The following GAS2 variants were observed in gnomAD, a reference collection of about 807,000 sequenced individuals.
GAS2 encodes growth arrest specific 2.
A neutral mutation model predicts 37.5 loss-of-function variants in GAS2; 20 were observed. That is an observed-to-expected ratio of 0.53 (90% CI 0.37 to 0.77). The LOEUF (loss-of-function observed/expected upper bound fraction) is 0.77. Among genes scored for constraint, GAS2 ranks in the 30% least tolerant of loss-of-function variants. The pLI, the probability that GAS2 is intolerant of heterozygous loss-of-function variation, is 0.00. For missense variants in GAS2, 336 were observed against 373.4 expected (o/e 0.90, Z 0.82); for synonymous variants, 144 against 132.2 (o/e 1.09, Z -0.61).
At chr11:22,798,750 T>G (rs1856537864) in intron 7 of GAS2, among the ~76,000 whole-genome samples, 1 of 152,038 alleles carries the variant, frequency 6.6e-6, no homozygotes, top group Non-Finnish European at 1.5e-5. Context: ...TGCCTCAGTT[T>G]GCCCTGCTAA....
intron 3 of GAS2, among the ~76,000 whole-genome samples, chr11:22,699,096 A>T (rs961631952): frequency 6.6e-6 from 1 of 152,148 alleles, no homozygotes; most frequent in Non-Finnish European, 1.5e-5. Flanking sequence ...CTAGTTTTCT[A>T]TTCCACAGTT....
At chr11:22,631,233 A>C (rs2133805103) in intron 1 of GAS2, among the ~76,000 whole-genome samples, 1 of 152,290 alleles carries the variant, frequency 6.6e-6, no homozygotes, top group South Asian at 2.1e-4. Context: ...CTTTTGGAGA[A>C]GTCTTTGGGG....
upstream of GAS2, among the ~76,000 whole-genome samples, chr11:22,663,222 T>C (rs147081197): frequency 3.4e-4 from 52 of 152,020 alleles, no homozygotes; most frequent in African/African-American, 1.2e-3. Context: ...TCCCACCAGG[T>C]CCCTCTCTCA....
intron 2 of GAS2, among the ~76,000 whole-genome samples, chr11:22,683,275 T>C (rs563417876): frequency 1.3e-4 from 20 of 152,290 alleles, no homozygotes; most frequent in African/African-American, 4.8e-4. Flanking sequence ...TATTTATTTA[T>C]TTATTTATGA....
chr11:22,772,633 T>G (rs1033457190), intron 7 of GAS2, among the ~76,000 whole-genome samples: 15 of 152,114 alleles, frequency 9.9e-5, no homozygotes, highest in Non-Finnish European at 2.1e-4. Context: ...TGTGTGATAG[T>G]TTTTTGAAGG....
chr11:22,658,248 C>T (rs772222670), intron 1 of GAS2, among the ~76,000 whole-genome samples: 3 of 151,950 alleles, frequency 2.0e-5, no homozygotes, highest in Non-Finnish European at 4.4e-5. Flanking sequence ...AGGCTGGTCT[C>T]GAATTCCTGA....
intron 7 of GAS2, among the ~76,000 whole-genome samples, chr11:22,787,846 G>T (rs951230523): frequency 2.6e-5 from 4 of 152,154 alleles, no homozygotes; most frequent in Non-Finnish European, 5.9e-5. Context: ...AAACAGCTTG[G>T]TATCTTGTTA....
intron 1 of GAS2, among the ~76,000 whole-genome samples, chr11:22,651,709 A>G (rs907308188): frequency 1.2e-4 from 19 of 152,196 alleles, no homozygotes; most frequent in Admixed American, 1.2e-3. Flanking sequence ...AGTTGATGGC[A>G]TCAGCTCCTG....
intron 1 of GAS2, among the ~76,000 whole-genome samples, chr11:22,652,084 C>T (rs529873684): frequency 6.6e-6 from 1 of 152,292 alleles, no homozygotes; most frequent in African/African-American, 2.4e-5. Context: ...TGGTGATGTA[C>T]AGATGGGTTT....
chr11:22,794,505 C>G (rs182907203), intron 7 of GAS2, among the ~76,000 whole-genome samples: 137 of 152,236 alleles, frequency 9.0e-4, no homozygotes, highest in Non-Finnish European at 6.8e-4. Flanking sequence ...ATCTAGCCAT[C>G]TTTTCTCTCC....
upstream of GAS2, among the ~76,000 whole-genome samples, chr11:22,663,532 C>A (rs1433383857): frequency 6.6e-6 from 1 of 152,088 alleles, no homozygotes; most frequent in Middle Eastern, 3.4e-3. Flanking sequence ...ATACCTAACA[C>A]AATTTGCCAG....
At chr11:22,779,734 CAAAA>C (rs1457090364) in intron 7 of GAS2, among the ~76,000 whole-genome samples, 1 of 151,548 alleles carries the variant, frequency 6.6e-6, no homozygotes, top group Non-Finnish European at 1.5e-5. Flanking sequence ...ACCAAACAAA[CAAAA>C]AGAAAGCATT....
At chr11:22,644,194 CT>C (rs546122724) in intron 1 of GAS2, among the ~76,000 whole-genome samples, 1 of 151,862 alleles carries the variant, frequency 6.6e-6, no homozygotes. Flanking sequence ...CAGGAAATTT[CT>C]TTTTTTTAAA....
upstream of GAS2, among the ~76,000 whole-genome samples, chr11:22,664,519 C>T (rs1023510020): frequency 6.6e-6 from 1 of 152,058 alleles, no homozygotes; most frequent in African/African-American, 2.4e-5. Context: ...TTAAATCTGG[C>T]TTGACTTCTT....
Position 22,786,957 on chromosome 11 carries a change from G to T in GAS2, c.724-24841G>T, listed in dbSNP as rs111512612. On this transcript the variant is annotated intron_variant, in intron 7 of 7. Transcript: ENST00000454584. ...AACTTCTAGAAAACTACCTCCATAA[G>T]AAATTCTGATTTCATTTGTCTGAAG... 4.4e-3 allele frequency among the ~76,000 whole-genome samples: 673 copies of T among 152,208 alleles called. 8 individuals carry two copies. The highest frequency in any genetic ancestry group is 0.016 in the African/African-American group (644 of 41,528).
At chr11:22,689,573 A>G (rs528822162) in intron 3 of GAS2, among the ~76,000 whole-genome samples, 4 of 152,206 alleles carry the variant, frequency 2.6e-5, no homozygotes, top group Admixed American at 2.0e-4. Context: ...CATGGCTACT[A>G]TTGTTCATAA....
chr11:22,792,558 A>G (rs555719886), intron 7 of GAS2, among the ~76,000 whole-genome samples: 1 of 152,250 alleles, frequency 6.6e-6, no homozygotes, highest in Non-Finnish European at 1.5e-5. Flanking sequence ...CAAAGAGTCA[A>G]CATGGGAGCT....
intron 1 of GAS2, among the ~76,000 whole-genome samples, chr11:22,658,141 T>G (rs573852776): frequency 6.6e-6 from 1 of 151,934 alleles, no homozygotes; most frequent in Non-Finnish European, 1.5e-5. Flanking sequence ...TTCTCCTGCC[T>G]CAGCCTCTCA....
chr11:22,691,458 T>A (rs551949682), intron 3 of GAS2, among the ~76,000 whole-genome samples: 2 of 152,324 alleles, frequency 1.3e-5, no homozygotes, highest in African/African-American at 4.8e-5. Flanking sequence ...TTATTGCTGA[T>A]CTCTCTGCCA....
Sources: allele counts gnomAD v4.1 joint callset (sites outside exome capture counted in the v4.1 genomes callset), GRCh38; gene constraint gnomAD v4.1.1; transcripts MANE v1.5; gene names NCBI Gene and HGNC (gene_info 2026-07-23, HGNC 2026-07-21).